The following SNTG1 variants were observed in gnomAD, a reference collection of about 807,000 sequenced individuals.
The protein encoded by SNTG1 is syntrophin gamma 1.
Under a neutral mutation model 74.7 loss-of-function variants are expected in SNTG1, and 39 were observed. The observed-to-expected ratio is 0.52, with a 90% CI of 0.40 to 0.68. The LOEUF is 0.68. Ranked by LOEUF, SNTG1 falls within the 30% of genes least tolerant of loss-of-function variation. The pLI, the probability that SNTG1 is intolerant of heterozygous loss-of-function variation, is 0.00. For synonymous variants in SNTG1, 254 were observed against 217.1 expected (o/e 1.17, Z -1.49); for missense variants, 685 against 609.5 (o/e 1.12, Z -1.30).
intron 1 of SNTG1, among the ~76,000 whole-genome samples, chr8:49,926,407 T>C (rs572203116): frequency 6.6e-6 from 1 of 152,250 alleles, no homozygotes; most frequent in East Asian, 1.9e-4. Flanking sequence ...TAAAGAAAAC[T>C]ATGCTGAACT....
At chr8:50,154,303 A>G (rs1381419319) in intron 1 of SNTG1, among the ~76,000 whole-genome samples, 1 of 152,032 alleles carries the variant, frequency 6.6e-6, no homozygotes, top group East Asian at 1.9e-4. Context: ...GGTGGGAGTG[A>G]CCCAATTTTC....
intron 8 of SNTG1, among the ~76,000 whole-genome samples, chr8:50,501,393 T>C (rs1585480620): frequency 6.6e-6 from 1 of 150,764 alleles, no homozygotes; most frequent in Non-Finnish European, 1.5e-5. Flanking sequence ...GTTGTACTTC[T>C]TGGGGAGGAG....
At chr8:49,988,193 G>T (rs4242456) in intron 1 of SNTG1, among the ~76,000 whole-genome samples, 15,787 of 151,848 alleles carry the variant, frequency 0.1, 1,217 homozygotes, top group African/African-American at 0.2. Flanking sequence ...GGGATAAAGG[G>T]GATAAAAATG....
intron 15 of SNTG1, among the ~76,000 whole-genome samples, chr8:50,673,538 CTT>C (rs1179593550): frequency 6.6e-6 from 1 of 152,136 alleles, no homozygotes; most frequent in African/African-American, 2.4e-5. Context: ...TATGTTGAGA[CTT>C]TGCTGAAGTT....
chr8:50,416,487 C>A (rs907172597), intron 4 of SNTG1, among the ~76,000 whole-genome samples: 1 of 152,056 alleles, frequency 6.6e-6, no homozygotes, highest in Non-Finnish European at 1.5e-5. Context: ...ATGTATTAAA[C>A]AATAGTGGTG....
intron 2 of SNTG1, among the ~76,000 whole-genome samples, chr8:50,322,787 A>T (rs1330303556): frequency 1.3e-5 from 2 of 151,588 alleles, no homozygotes; most frequent in Non-Finnish European, 2.9e-5. Context: ...CAAGCTCACT[A>T]ATTCTTTCTT....
chr8:50,653,442 A>T (rs1315792856), intron 13 of SNTG1, among the ~76,000 whole-genome samples: 1 of 152,166 alleles, frequency 6.6e-6, no homozygotes, highest in African/African-American at 2.4e-5. Flanking sequence ...AAAATATATT[A>T]GTAAAAACTT....
chr8:50,700,610 G>C (rs1585578949), intron 15 of SNTG1, among the ~76,000 whole-genome samples: 1 of 152,078 alleles, frequency 6.6e-6, no homozygotes, highest in East Asian at 1.9e-4. Context: ...TTTCAGGCTT[G>C]CACCAGGTTG....
At position 50,472,814 on chromosome 8, in the gene SNTG1, T is replaced by TAACAAC. The variant is rs200850363; in HGVS notation, c.363+22103_363+22108dup. 3.3e-5 allele frequency among the ~76,000 whole-genome samples: 5 copies of TAACAAC among 151,908 alleles called. No individual in the cohort carries two copies. The East Asian group carries it at 7.7e-4, about 24-fold the overall frequency. On this transcript the variant is annotated intron_variant, in intron 8 of 18. Coordinates refer to ENST00000642720, the MANE Select transcript of SNTG1 (RefSeq NM_018967.5). ...TTCGGAATATATAAAGAACTACATT[T>TAACAAC]AACAACAACAACAACAACAACAAAA...
intron 17 of SNTG1, among the ~76,000 whole-genome samples, chr8:50,725,035 C>G (rs959802443): frequency 1.3e-5 from 2 of 151,960 alleles, no homozygotes; most frequent in East Asian, 1.9e-4. Context: ...TATCATTCGG[C>G]TCACTTTGAT....
chr8:50,346,234 T>C (rs1449013101), intron 2 of SNTG1, among the ~76,000 whole-genome samples: 1 of 152,234 alleles, frequency 6.6e-6, no homozygotes, highest in African/African-American at 2.4e-5. Flanking sequence ...CAACAGCATG[T>C]GCTCATTTCC....
intron 13 of SNTG1, among the ~76,000 whole-genome samples, chr8:50,646,957 A>T (rs944624277): frequency 1.3e-5 from 2 of 152,184 alleles, no homozygotes; most frequent in Non-Finnish European, 2.9e-5. Context: ...GAATACAACA[A>T]AAAAGGTGAT....
At chr8:50,719,872 T>G (rs530170419) in intron 17 of SNTG1, among the ~76,000 whole-genome samples, 101 of 152,360 alleles carry the variant, frequency 6.6e-4, no homozygotes, top group Non-Finnish European at 1.1e-3. Context: ...ACTTTTCTCC[T>G]TAATAGATTT....
chr8:49,911,282 C>T (rs1563336564), upstream of SNTG1: 1 of 152,014 alleles, frequency 6.6e-6, no homozygotes, highest in Non-Finnish European at 1.5e-5. Context: ...GATCCACGAG[C>T]TTTCCAAAGA....
At chr8:50,004,492 T>C (rs1815031644) in intron 1 of SNTG1, among the ~76,000 whole-genome samples, 1 of 152,168 alleles carries the variant, frequency 6.6e-6, no homozygotes, top group South Asian at 2.1e-4. Flanking sequence ...CCCAGCGTTG[T>C]GCTTGCTCAC....
At position 50,683,169 on chromosome 8, in the gene SNTG1, C is replaced by T. The variant is rs140147084; in HGVS notation, c.1039-21431C>T. Among the ~76,000 whole-genome samples, 650 of 152,264 alleles carry T rather than the reference C, an allele frequency of 4.3e-3. 8 individuals carry two copies. Among genetic ancestry groups the T allele is most frequent in the African/African-American group, 0.014 (580 of 41,548 alleles). ...GCCTGGCACACAGCAGGCTTGCAAT[C>T]CATTTTTTGGTTGAATGCCTACTAT... is the stretch of plus-strand genomic sequence containing the variant. On this transcript the variant is annotated intron_variant, in intron 15 of 18. Coordinates refer to ENST00000642720, the MANE Select transcript of SNTG1 (RefSeq NM_018967.5).
chr8:50,132,428 C>T (rs188644491), intron 1 of SNTG1, among the ~76,000 whole-genome samples: 23 of 152,172 alleles, frequency 1.5e-4, no homozygotes, highest in African/African-American at 5.3e-4. Context: ...CCTGTGAAAA[C>T]ACCAAACAAG....
At chr8:50,291,052 AT>A in intron 2 of SNTG1, among the ~76,000 whole-genome samples, 1 of 152,184 alleles carries the variant, frequency 6.6e-6, no homozygotes, top group Non-Finnish European at 1.5e-5. Flanking sequence ...CACCCTATAC[AT>A]TTATGTATTT....
rs568779375 is a variant in SNTG1, at chr8:50,003,913, A to G, written c.-103+91682A>G. Reference sequence around the variant, plus strand: ...GCCCAAAACAATCTGGGGGAAGTGAATTTCATTGTAGCTGACCTAGGTTTA... The same window carrying G: ...GCCCAAAACAATCTGGGGGAAGTGAGTTTCATTGTAGCTGACCTAGGTTTA... On this transcript the variant is annotated intron_variant, in intron 1 of 18. Transcript: ENST00000642720. 2.0e-5 allele frequency among the ~76,000 whole-genome samples: 3 copies of G among 152,248 alleles called. No homozygotes were observed. In the South Asian group the frequency reaches 6.2e-4, roughly 32 times the overall value.
Sources: gnomAD v4.1 joint callset for allele counts (sites outside exome capture counted in the v4.1 genomes callset) on GRCh38, gnomAD v4.1.1 for gene constraint, MANE v1.5 for transcripts, NCBI Gene and HGNC (gene_info 2026-07-23, HGNC 2026-07-21) for gene names.